YJU2B: variants seen among roughly 807,000 people sequenced by gnomAD.
YJU2B encodes YJU2 splicing factor homolog B.
A neutral mutation model predicts 38.0 loss-of-function variants in YJU2B; 18 were observed. The ratio of observed to expected loss-of-function variants is 0.47; its 90% CI spans 0.33 to 0.70. The LOEUF is 0.70. Among genes scored for constraint, YJU2B ranks in the 30% least tolerant of loss-of-function variants. The pLI is 0.02. For synonymous variants in YJU2B, 246 were observed against 225.4 expected (o/e 1.09, Z -0.82); for missense variants, 538 against 556.3 (o/e 0.97, Z 0.33).
chr19:13,740,986 A>G (rs1383134375), intron 2 of YJU2B, among the ~76,000 whole-genome samples: 2 of 152,090 alleles, frequency 1.3e-5, no homozygotes, highest in East Asian at 1.9e-4. Context: ...TGACCCAAAG[A>G]AACAGTGAGA....
chr19:13,757,487 C>T lies in YJU2B; in HGVS notation c.196+14C>T, dbSNP rs1230617340. ...ACATCGGCATGGGTGAGCCTCTGCC[C>T]ACCCTCCATTCAGTCCTGCAAACAT... On this transcript the variant is annotated intron_variant, in intron 5 of 9. Coordinates refer to ENST00000221554, the MANE Select transcript of YJU2B (RefSeq NM_030818.4). The T allele has an allele frequency of 1.2e-6, 2 of 1,610,536 alleles. No homozygotes were observed. The highest frequency in any genetic ancestry group is 2.2e-5 in the East Asian group (1 of 44,866).
chr19:13,751,886 C>T, intron 2 of YJU2B, 75 bp downstream of exon 2: 1 of 1,371,542 alleles, frequency 7.3e-7, no homozygotes, highest in Non-Finnish European at 1.0e-6. Flanking sequence ...CCCTCCTCCC[C>T]TCCCAGAGCT....
chr19:13,753,574 CAAAAAAAAAA>C (rs34397712), intron 2 of YJU2B, among the ~76,000 whole-genome samples: 25 of 71,878 alleles, frequency 3.5e-4, no homozygotes, highest in African/African-American at 1.1e-3. Flanking sequence ...AACTCTGTCT[CAAAAAAAAAA>C]AAAAAAAAAA....
intron 3 of YJU2B, 88 bp from the exon 4 acceptor site, chr19:13,756,109 C>T (rs1973656626): frequency 3.0e-6 from 3 of 1,016,778 alleles, no homozygotes; most frequent in Non-Finnish European, 4.7e-6. Context: ...ACCTGTGAGA[C>T]ACTTGTCCCA....
At chr19:13,733,865 AAG>A (rs1398182840) in intron 2 of YJU2B, among the ~76,000 whole-genome samples, 1 of 152,102 alleles carries the variant, frequency 6.6e-6, no homozygotes, top group African/African-American at 2.4e-5. Context: ...CAAGAATTAA[AAG>A]AGAGAAATCT....
intron 1 of YJU2B, among the ~76,000 whole-genome samples, chr19:13,748,396 CA>C (rs1051947009): frequency 6.6e-6 from 1 of 152,000 alleles, no homozygotes; most frequent in South Asian, 2.1e-4. Context: ...AGAGAGAAAA[CA>C]ATTTGCCCCA....
chr19:13,758,739 GCA>G (rs1195703164), intron 6 of YJU2B, 127 bp from the exon 7 acceptor site: 19 of 1,122,182 alleles, frequency 1.7e-5, no homozygotes, highest in African/African-American at 1.6e-5. Context: ...GCTCTACACG[GCA>G]CACAGTGGGT....
chr19:13,757,579 G>T (rs897932937), intron 5 of YJU2B, 106 bp downstream of exon 5: 2 of 1,183,090 alleles, frequency 1.7e-6, no homozygotes, highest in Admixed American at 3.7e-5. Flanking sequence ...AATGAGGGAG[G>T]AGACGGGCAC....
chr19:13,759,797 A>ATTTT lies in YJU2B; in HGVS notation c.573+539_573+542dup, dbSNP rs3059654. Among the ~76,000 whole-genome samples, 478 of 129,836 alleles carry ATTTT rather than the reference A, an allele frequency of 3.7e-3. 11 individuals carry two copies. Among genetic ancestry groups the ATTTT allele is most frequent in the African/African-American group, 8.9e-3 (301 of 33,832 alleles). The allele number at this position is 129,836 out of a possible 152,430, so 85.2% of individuals were successfully genotyped here. ...TACCCACCACCACCACGCCTGGCTA[A>ATTTT]TTTTTTTTTTTTTTTTTGAGACTGA... On this transcript the variant is annotated intron_variant, in intron 8 of 9. Transcript: ENST00000221554.
intron 6 of YJU2B, 50 bp from the exon 7 acceptor site, chr19:13,758,818 C>T: frequency 1.9e-6 from 3 of 1,600,408 alleles, no homozygotes; most frequent in Non-Finnish European, 2.6e-6. Context: ...ACAGGGCTGT[C>T]CTGGTGCACA....
intron 9 of YJU2B, 56 bp downstream of exon 9, chr19:13,762,493 T>C: frequency 1.9e-6 from 3 of 1,591,920 alleles, no homozygotes; most frequent in Non-Finnish European, 2.6e-6. Context: ...TGCCTGGAGA[T>C]GGGGGGTCCT....
At chr19:13,759,063 GGGCCCCCAAA>G in intron 7 of YJU2B, 27 bp from the exon 8 acceptor site, 1 of 1,612,564 alleles carries the variant, frequency 6.2e-7, no homozygotes, top group Non-Finnish European at 8.5e-7. Context: ...GTCTGCGCTG[GGGCCCCCAAA>G]GCCCAGCCGA....
Position 13,759,082 on chromosome 19 carries a change from G to A in YJU2B, c.401-18G>A, listed in dbSNP as rs760623285. ...GCGCTGGGGCCCCCAAAGCCCAGCC[G>A]AGCTCTGATCGTTGCAGAGCATGAG... On this transcript the variant is annotated intron_variant, in intron 7 of 9. Coordinates refer to ENST00000221554, the MANE Select transcript of YJU2B (RefSeq NM_030818.4). 1.1e-5 allele frequency: 18 copies of A among 1,613,018 alleles called. No individual in the cohort carries two copies. The highest frequency in any genetic ancestry group is 2.2e-5 in the East Asian group (1 of 44,842).
intron 6 of YJU2B, 85 bp downstream of exon 6, chr19:13,757,931 A>T (rs1973732289): frequency 5.8e-6 from 7 of 1,201,310 alleles, no homozygotes; most frequent in East Asian, 2.3e-5. Flanking sequence ...TGCGGGGGGA[A>T]CCCATTCCCT....
chr19:13,759,019 C>A lies in YJU2B; in HGVS notation c.400+9C>A. On this transcript the variant is annotated intron_variant, in intron 7 of 9. Transcript: ENST00000221554. The stretch of plus-strand genomic sequence containing the variant: ...GCAGGTGCTGACCACAGGTGAGCGC[C>A]ACCCACTTACCTGCCTGGGGGCCCT... 3 of 1,612,556 alleles carry A rather than the reference C, an allele frequency of 1.9e-6. No homozygotes were observed. Among genetic ancestry groups the A allele is most frequent in the African/African-American group, 1.3e-5 (1 of 75,024 alleles).
At chr19:13,757,750 C>T (rs771038811) in intron 5 of YJU2B, 36 bp from the exon 6 acceptor site, 4 of 1,598,288 alleles carry the variant, frequency 2.5e-6, no homozygotes, top group South Asian at 1.1e-5. Context: ...ATTCAGATGG[C>T]AATGAAATTA....
upstream of YJU2B, among the ~76,000 whole-genome samples, chr19:13,743,951 T>C (rs1409339139): frequency 3.3e-5 from 5 of 151,790 alleles, no homozygotes; most frequent in Admixed American, 6.6e-5. Context: ...CCCAACACTT[T>C]GGGAGGCCGA....
At position 13,747,928 on chromosome 19, in the gene YJU2B, C is replaced by T. The variant is rs950393095; in HGVS notation, c.-228C>T. The stretch of plus-strand genomic sequence containing the variant: ...CTCAGCGCGCACTTCCGGGCACGGT[C>T]AGGGCGTGACGTCGGGAGGAGGGCA... On this transcript the variant is annotated 5_prime_UTR_variant, in exon 1 of 10. Coordinates refer to ENST00000221554, the MANE Select transcript of YJU2B (RefSeq NM_030818.4). 1 of 152,280 alleles carries T rather than the reference C, an allele frequency of 6.6e-6. No individual in the cohort carries two copies. Among genetic ancestry groups the T allele is most frequent in the South Asian group, 2.1e-4 (1 of 4,838 alleles). 9.4% of individuals were successfully genotyped at this position (152,280 alleles called of 1,614,324 possible).
chr19:13,758,286 G>T (rs2145157815), intron 6 of YJU2B, among the ~76,000 whole-genome samples: 1 of 152,298 alleles, frequency 6.6e-6, no homozygotes, highest in South Asian at 2.1e-4. Flanking sequence ...CTGGTTGCTT[G>T]TGCCCTTGCT....
Sources: gnomAD v4.1 joint callset for allele counts (sites outside exome capture counted in the v4.1 genomes callset) on GRCh38, gnomAD v4.1.1 for gene constraint, MANE v1.5 for transcripts, NCBI Gene and HGNC (gene_info 2026-07-23, HGNC 2026-07-21) for gene names.